The following CREB5 variants were observed in gnomAD, a reference collection of about 807,000 sequenced individuals.
CREB5 encodes the protein cyclic AMP-responsive element-binding protein 5.
CREB5 carries 19 observed loss-of-function variants against 57.1 expected under a neutral mutation model. The ratio of observed to expected loss-of-function variants is 0.33; its 90% CI spans 0.23 to 0.49. The LOEUF is 0.49. Among genes scored for constraint, CREB5 ranks in the 20% least tolerant of loss-of-function variants. CREB5 has a pLI of 0.99. For missense variants in CREB5, 579 were observed against 671.6 expected, an observed-to-expected ratio of 0.86 and a Z score of 1.52; for synonymous variants, 238 against 238.3, an observed-to-expected ratio of 1.00 and a Z score of 0.01.
chr7:28,579,480 G>A (rs1344630978), intron 5 of CREB5, among the ~76,000 whole-genome samples: 1 of 152,038 alleles, frequency 6.6e-6, no homozygotes, highest in East Asian at 1.9e-4. Context: ...CATTTTGGCT[G>A]ATGATTAGGC....
At chr7:28,477,086 A>G (rs531840100) in intron 1 of CREB5, among the ~76,000 whole-genome samples, 2 of 152,234 alleles carry the variant, frequency 1.3e-5, no homozygotes, top group Non-Finnish European at 2.9e-5. Flanking sequence ...TGAATGAATG[A>G]GACCTGTGTC....
At chr7:28,809,898 G>C (rs1809003951) in intron 9 of CREB5, among the ~76,000 whole-genome samples, 1 of 152,210 alleles carries the variant, frequency 6.6e-6, no homozygotes, top group African/African-American at 2.4e-5. Context: ...TCACTAGGTT[G>C]AGGGGGTTGC....
intron 5 of CREB5, among the ~76,000 whole-genome samples, chr7:28,597,341 T>C (rs1583685805): frequency 6.6e-6 from 1 of 152,112 alleles, no homozygotes; most frequent in Non-Finnish European, 1.5e-5. Flanking sequence ...TCTTTGCAAA[T>C]GGAAAGCTGA....
chr7:28,562,384 T>C (rs1435289028), intron 4 of CREB5, among the ~76,000 whole-genome samples: 3 of 152,200 alleles, frequency 2.0e-5, no homozygotes, highest in Non-Finnish European at 4.4e-5. Flanking sequence ...ATTAAATGAA[T>C]AGCTATAAAA....
intron 1 of CREB5, among the ~76,000 whole-genome samples, chr7:28,452,658 C>A (rs935593355): frequency 6.6e-6 from 1 of 152,140 alleles, no homozygotes; most frequent in Admixed American, 6.5e-5. Flanking sequence ...GTTCCTAGAG[C>A]CCCATGAGAG....
chr7:28,309,805 T>C (rs1463742218), intron 1 of CREB5, among the ~76,000 whole-genome samples: 1 of 152,218 alleles, frequency 6.6e-6, no homozygotes, highest in Non-Finnish European at 1.5e-5. Context: ...TGGCCCTACG[T>C]TGCCTCTCTG....
intron 1 of CREB5, among the ~76,000 whole-genome samples, chr7:28,486,675 T>C (rs905863808): frequency 1.5e-5 from 2 of 129,576 alleles, no homozygotes; most frequent in African/African-American, 5.9e-5. Context: ...TGATTTTATA[T>C]ATATATATAT....
intron 1 of CREB5, among the ~76,000 whole-genome samples, chr7:28,458,319 C>T (rs946996214): frequency 6.6e-6 from 1 of 152,090 alleles, no homozygotes; most frequent in African/African-American, 2.4e-5. Context: ...GTTGTGATTC[C>T]AAATGTGGCT....
chr7:28,808,712 C>CTTTTTTTT (rs59374546), intron 8 of CREB5, among the ~76,000 whole-genome samples: 11 of 83,194 alleles, frequency 1.3e-4, no homozygotes, highest in South Asian at 5.3e-4. Context: ...CCAATTTTTC[C>CTTTTTTTT]TTTTTTTTTT....
At chr7:28,508,799 A>C (rs1013089973) in intron 4 of CREB5, among the ~76,000 whole-genome samples, 1 of 152,170 alleles carries the variant, frequency 6.6e-6, no homozygotes, top group African/African-American at 2.4e-5. Flanking sequence ...TTTATCATGC[A>C]TGCTTGACTC....
intron 1 of CREB5, among the ~76,000 whole-genome samples, chr7:28,407,302 C>T (rs569396560): frequency 2.7e-4 from 41 of 152,268 alleles, no homozygotes; most frequent in Admixed American, 2.1e-3. Flanking sequence ...CCACCTGCCT[C>T]GGCCTCCCAA....
At chr7:28,594,006 G>A (rs923416198) in intron 5 of CREB5, among the ~76,000 whole-genome samples, 1 of 152,178 alleles carries the variant, frequency 6.6e-6, no homozygotes, top group African/African-American at 2.4e-5. Flanking sequence ...GGTTCCTTCC[G>A]GAGCAGCGGG....
chr7:28,306,852 C>A (rs533203136), intron 1 of CREB5, among the ~76,000 whole-genome samples: 2 of 152,126 alleles, frequency 1.3e-5, no homozygotes, highest in Non-Finnish European at 2.9e-5. Flanking sequence ...TGAGCCACCG[C>A]GCCCGGCCAC....
At chr7:28,504,788 C>T (rs1443758562) in intron 3 of CREB5, among the ~76,000 whole-genome samples, 1 of 152,186 alleles carries the variant, frequency 6.6e-6, no homozygotes, top group East Asian at 1.9e-4. Context: ...ACTCCTCTCA[C>T]TGTCTTGCAT....
At chr7:28,752,857 C>G (rs1263749563) in intron 7 of CREB5, among the ~76,000 whole-genome samples, 1 of 151,518 alleles carries the variant, frequency 6.6e-6, no homozygotes, top group Non-Finnish European at 1.5e-5. Flanking sequence ...AGAAATAGAG[C>G]TTAAATCTTC....
intron 4 of CREB5, among the ~76,000 whole-genome samples, chr7:28,566,977 G>T (rs1358333187): frequency 2.0e-5 from 3 of 152,142 alleles, no homozygotes; most frequent in East Asian, 1.9e-4. Context: ...TTAAACTTTT[G>T]GGGGAGAGGG....
intron 5 of CREB5, among the ~76,000 whole-genome samples, chr7:28,692,495 C>A (rs1352491836): frequency 2.0e-5 from 3 of 152,122 alleles, no homozygotes; most frequent in Non-Finnish European, 4.4e-5. Flanking sequence ...AGAGCATGGC[C>A]TTTGGGATTT....
intron 5 of CREB5, among the ~76,000 whole-genome samples, chr7:28,570,798 A>T (rs1795670586): frequency 6.6e-6 from 1 of 152,036 alleles, no homozygotes; most frequent in Non-Finnish European, 1.5e-5. Flanking sequence ...AAGATTTATG[A>T]ACTTTAAGAT....
intron 7 of CREB5, among the ~76,000 whole-genome samples, chr7:28,790,517 A>G (rs1178183565): frequency 6.6e-6 from 1 of 151,548 alleles, no homozygotes; most frequent in African/African-American, 2.4e-5. Flanking sequence ...AAAAATAAAG[A>G]AAGAAAGGGA....
Sources: gnomAD v4.1 joint callset for allele counts (sites outside exome capture counted in the v4.1 genomes callset) on GRCh38, gnomAD v4.1.1 for gene constraint, MANE v1.5 for transcripts, NCBI Gene and HGNC (gene_info 2026-07-23, HGNC 2026-07-21) for gene names.